Variants in MCOLN1 observed in about 807,000 individuals in gnomAD.
The protein encoded by MCOLN1 is mucolipin TRP cation channel 1.
In MCOLN1, 50 loss-of-function variants were observed where a neutral mutation model predicts 70.3. That is an observed-to-expected ratio of 0.71 (90% CI 0.57 to 0.90). The LOEUF (loss-of-function observed/expected upper bound fraction) is 0.90. Among genes scored for constraint, MCOLN1 ranks in the 40% least tolerant of loss-of-function variants. The pLI is 0.00. For synonymous variants in MCOLN1, 366 were observed against 341.0 expected (o/e 1.07, Z -0.81); for missense variants, 598 against 803.5 (o/e 0.74, Z 3.09).
Position 7,525,025 on chromosome 19 carries a change from T to C in MCOLN1, c.96T>C (p.Pro32=), listed in dbSNP as rs779878653. Residue 32 remains proline (P), a synonymous_variant, in exon 2 of 14, where the codon CCT becomes CCC. Coordinates refer to ENST00000264079, the MANE Select transcript of MCOLN1 (RefSeq NM_020533.3). The surrounding 1 kb of genome is among the most constrained non-coding windows in gnomAD (Gnocchi z 4.2). ...YGTQAGPSPA[P]PTPPEEEDLR... ...CCCAGGCGGGGCCTTCACCGGCCCCTCCGACACCCCCAGAAGAGGAAGACC... is the reference window on the plus strand; with the variant it reads ...CCCAGGCGGGGCCTTCACCGGCCCCCCCGACACCCCCAGAAGAGGAAGACC... 1 of 1,613,628 alleles carries C rather than the reference T, an allele frequency of 6.2e-7. No individual in the cohort carries two copies. The highest frequency in any genetic ancestry group is 1.1e-5 in the South Asian group (1 of 91,062).
intron 10 of MCOLN1, 67 bp downstream of exon 10, chr19:7,529,269 A>C: frequency 1.4e-6 from 2 of 1,413,412 alleles, no homozygotes; most frequent in Non-Finnish European, 9.9e-7. Context: ...AAATCCCTAC[A>C]CACGCAGCCC....
Position 7,533,514 on chromosome 19 carries a change from T to G in MCOLN1, c.1576-9T>G. On this transcript the variant is annotated splice_polypyrimidine_tract_variant and intron_variant, in intron 12 of 13. Coordinates refer to ENST00000264079, the MANE Select transcript of MCOLN1 (RefSeq NM_020533.3). ...CTTTCAGGCTGAGCCTCCCGGCTTC[T>G]CTCCCCAGCATCCCGGCGGCGCAGG... 6.2e-7 allele frequency: 1 copy of G among 1,610,558 alleles called. No homozygotes were observed. Among genetic ancestry groups the G allele is most frequent in the Non-Finnish European group, 8.5e-7 (1 of 1,179,578 alleles).
rs562566751 is a variant in MCOLN1 at position 7,527,092 on chromosome 19, T to G, written c.571+166T>G. 116 of 838,074 alleles carry G rather than the reference T, an allele frequency of 1.4e-4. 1 individual carries two copies. The South Asian group carries it at 1.6e-3, about 11-fold the overall frequency. 51.9% of individuals were successfully genotyped at this position (838,074 alleles called of 1,614,324 possible). A position where few individuals can be genotyped will look rare whatever the true frequency, so the allele number is the denominator to read the frequency against. ...AAGTTTGAGACCAGCCTGGGCCACG[T>G]AGGAAGACCTTGTCTCTACGCACAA... On this transcript the variant is annotated intron_variant, in intron 4 of 13. Coordinates refer to ENST00000264079, the MANE Select transcript of MCOLN1 (RefSeq NM_020533.3).
chr19:7,522,731 T>C lies in MCOLN1; in HGVS notation c.-20T>C. 1 of 1,452,262 alleles carries C rather than the reference T, an allele frequency of 6.9e-7. No homozygotes were observed. The highest frequency in any genetic ancestry group is 9.0e-7 in the Non-Finnish European group (1 of 1,106,732). 90.0% of individuals were successfully genotyped at this position (1,452,262 alleles called of 1,614,324 possible). A position where few individuals can be genotyped will look rare whatever the true frequency, so the allele number is the denominator to read the frequency against. The stretch of plus-strand genomic sequence containing the variant: ...GGCTGCCCCGCCGTACCCGCCTGCG[T>C]CCCGCGCTCCCGCCCCAGCATGACA... On this transcript the variant is annotated 5_prime_UTR_variant, in exon 1 of 14. Coordinates refer to ENST00000264079, the MANE Select transcript of MCOLN1 (RefSeq NM_020533.3).
intron 10 of MCOLN1, 88 bp from the exon 11 acceptor site, chr19:7,529,502 C>A: frequency 5.8e-6 from 3 of 518,870 alleles, no homozygotes; most frequent in South Asian, 1.5e-5. Context: ...CTCGGCAAGG[C>A]CCCGCCCCTC....
Position 7,522,645 on chromosome 19 carries a change from G to A in MCOLN1, c.-106G>A, listed in dbSNP as rs953823761. On this transcript the variant is annotated 5_prime_UTR_variant, in exon 1 of 14. Transcript: ENST00000264079. ...AGGCACAGATCAGCTGATGCCGGAG[G>A]GTTTGAAGCCGCGCCGCGAGGGAGC... 3.3e-6 allele frequency: 4 copies of A among 1,226,022 alleles called. No individual in the cohort carries two copies. The highest frequency in any genetic ancestry group is 2.8e-4 in the Middle Eastern group (1 of 3,634). The allele number at this position is 1,226,022 out of a possible 1,614,324, so 75.9% of individuals were successfully genotyped here.
chr19:7,533,555 G>A lies in MCOLN1; in HGVS notation c.1608G>A (p.Glu536=), dbSNP rs750094891. The change falls in exon 13 of 14, where the codon GAG becomes GAA. Residue 536 remains glutamate, a synonymous_variant. Coordinates refer to ENST00000264079, the MANE Select transcript of MCOLN1 (RefSeq NM_020533.3). ...HPGGAGAEES[E]LQAYIAQCQD... The stretch of plus-strand genomic sequence containing the variant: ...GCGGCGCAGGCGCAGAGGAGAGCGA[G>A]CTGCAGGCCTACATCGCACAGTGCC... 22 of 1,611,970 alleles carry A rather than the reference G, an allele frequency of 1.4e-5. No individual in the cohort carries two copies. In the South Asian group the frequency reaches 1.8e-4, roughly 13 times the overall value.
Position 7,533,761 on chromosome 19 carries a change from A to AC in MCOLN1, c.1713dup (p.Ser572LeufsTer36), listed in dbSNP as rs767423201. ...TCTTCCCTGCTTCCTTCCTCCAGGGACCCCTCGGAGGAGCATTCGCTGCTG... is the reference window on the plus strand; with the variant it reads ...TCTTCCCTGCTTCCTTCCTCCAGGGACCCCCTCGGAGGAGCATTCGCTGCTG... On this transcript the variant is annotated frameshift_variant, in exon 14 of 14. Coordinates refer to ENST00000264079, the MANE Select transcript of MCOLN1 (RefSeq NM_020533.3). LOFTEE classifies it high-confidence loss of function. 3 of 1,613,858 alleles carry AC rather than the reference A, an allele frequency of 1.9e-6. No individual in the cohort carries two copies. The highest frequency in any genetic ancestry group is 1.7e-5 in the Admixed American group (1 of 59,998).
At position 7,528,357 on chromosome 19, in the gene MCOLN1, C is replaced by T; in HGVS notation, c.877+100C>T. On this transcript the variant is annotated intron_variant, in intron 7 of 13. Coordinates refer to ENST00000264079, the MANE Select transcript of MCOLN1 (RefSeq NM_020533.3). The surrounding 1 kb of genome is among the most constrained non-coding windows in gnomAD (Gnocchi z 4.2). The stretch of plus-strand genomic sequence containing the variant: ...GCGCTGCCTGGGGGCCGTGACCTCC[C>T]CAGGAATCCGCTGAGCCTCAGATCA... The T allele has an allele frequency of 1.7e-6, 2 of 1,193,604 alleles. No individual in the cohort carries two copies. Among genetic ancestry groups the T allele is most frequent in the Admixed American group, 1.9e-5 (1 of 52,262 alleles). 73.9% of individuals were successfully genotyped at this position (1,193,604 alleles called of 1,614,324 possible). A position where few individuals can be genotyped will look rare whatever the true frequency, so the allele number is the denominator to read the frequency against.
chr19:7,528,346 C>A lies in MCOLN1; in HGVS notation c.877+89C>A. The A allele has an allele frequency of 8.0e-7, 1 of 1,256,042 alleles. No homozygotes were observed. Among genetic ancestry groups the A allele is most frequent in the Non-Finnish European group, 1.2e-6 (1 of 866,914 alleles). 77.8% of individuals were successfully genotyped at this position (1,256,042 alleles called of 1,614,324 possible). A position where few individuals can be genotyped will look rare whatever the true frequency, so the allele number is the denominator to read the frequency against. ...GCCCCAGATCAGCGCTGCCTGGGGG[C>A]CGTGACCTCCCCAGGAATCCGCTGA... On this transcript the variant is annotated intron_variant, in intron 7 of 13. Transcript: ENST00000264079. This position sits in a 1 kb window ranked among gnomAD's most constrained non-coding sequence, Gnocchi z 4.2.
At chr19:7,532,571 C>T (rs1389832167) in intron 12 of MCOLN1, among the ~76,000 whole-genome samples, 1 of 151,906 alleles carries the variant, frequency 6.6e-6, no homozygotes, top group Non-Finnish European at 1.5e-5. Flanking sequence ...AAAAAATTAG[C>T]GGACGTGGTG....
At position 7,533,661 on chromosome 19, in the gene MCOLN1, T is replaced by C; in HGVS notation, c.1706+8T>C. The C allele has an allele frequency of 6.2e-7, 1 of 1,613,662 alleles. No homozygotes were observed. The highest frequency in any genetic ancestry group is 8.5e-7 in the Non-Finnish European group (1 of 1,179,940). ...TCTCTGCTGCTGCGGAAGGTTCGAG[T>C]CCCGGGTCTGGCACATTCAGATTGG... On this transcript the variant is annotated splice_region_variant and intron_variant, in intron 13 of 13. Transcript: ENST00000264079.
rs2022552219 is a variant in MCOLN1, at chr19:7,525,207, G to C, written c.237+41G>C. 6.4e-7 allele frequency: 1 copy of C among 1,566,032 alleles called. No individual in the cohort carries two copies. Among genetic ancestry groups the C allele is most frequent in the Non-Finnish European group, 8.8e-7 (1 of 1,137,866 alleles). On this transcript the variant is annotated intron_variant, in intron 2 of 13. Coordinates refer to ENST00000264079, the MANE Select transcript of MCOLN1 (RefSeq NM_020533.3). The surrounding 1 kb of genome is among the most constrained non-coding windows in gnomAD (Gnocchi z 4.2). ...CAGGGGCCCCAGCTGAAGGCCACCT[G>C]TGGCTGCTGTGCTCCTTGAAGAGAG...
In MCOLN1 at chr19:7,526,120, A is replaced by G; in HGVS notation, c.238-319A>G. 2.3e-6 allele frequency: 1 copy of G among 432,724 alleles called. No individual in the cohort carries two copies. Among genetic ancestry groups the G allele is most frequent in the Non-Finnish European group, 4.3e-6 (1 of 231,012 alleles). 26.8% of individuals were successfully genotyped at this position (432,724 alleles called of 1,614,324 possible). On this transcript the variant is annotated intron_variant, in intron 2 of 13. Transcript: ENST00000264079. This position sits in a 1 kb window ranked among gnomAD's most constrained non-coding sequence, Gnocchi z 4.6. Reference sequence around the variant, plus strand: ...CTTACCCTGAAAGTTTGGGTTTAACACAGAATCGGACATCCAGTAAACATT... The same window carrying G: ...CTTACCCTGAAAGTTTGGGTTTAACGCAGAATCGGACATCCAGTAAACATT...
chr19:7,527,047 G>A, intron 4 of MCOLN1, 121 bp downstream of exon 4: 2 of 1,339,684 alleles, frequency 1.5e-6, no homozygotes, highest in Non-Finnish European at 2.1e-6. Context: ...GGCTGAGGAG[G>A]AAGGATTGCT....
rs1390147809 is a variant in MCOLN1 at position 7,522,674 on chromosome 19, G to A, written c.-77G>A. On this transcript the variant is annotated 5_prime_UTR_variant, in exon 1 of 14. Coordinates refer to ENST00000264079, the MANE Select transcript of MCOLN1 (RefSeq NM_020533.3). Reference sequence around the variant, plus strand: ...TGAAGCCGCGCCGCGAGGGAGCGAGGTCGCAGTGACAGCGGCGGGCGATCG... The same window carrying A: ...TGAAGCCGCGCCGCGAGGGAGCGAGATCGCAGTGACAGCGGCGGGCGATCG... The A allele has an allele frequency of 2.9e-6, 4 of 1,387,702 alleles. No individual in the cohort carries two copies. The highest frequency in any genetic ancestry group is 3.0e-5 in the East Asian group (1 of 33,504). The allele number at this position is 1,387,702 out of a possible 1,614,324, so 86.0% of individuals were successfully genotyped here. A position where few individuals can be genotyped will look rare whatever the true frequency, so the allele number is the denominator to read the frequency against.
intron 11 of MCOLN1, 28 bp from the exon 12 acceptor site, chr19:7,530,258 C>T (rs1194394625): frequency 2.5e-6 from 4 of 1,597,970 alleles, no homozygotes; most frequent in South Asian, 1.1e-5. Context: ...TGCCTTGGCT[C>T]CCTCTGACCC....
In MCOLN1 at chr19:7,526,563, C is replaced by T. The variant is rs750170007; in HGVS notation, c.362C>T (p.Thr121Met). 13 of 1,613,846 alleles carry T rather than the reference C, an allele frequency of 8.1e-6. No homozygotes were observed. Among genetic ancestry groups the T allele is most frequent in the African/African-American group, 2.7e-5 (2 of 74,932 alleles). Residue 121 changes from threonine (T) to methionine (M), a missense_variant, in exon 3 of 14, where the codon ACG becomes ATG. By Grantham distance (81) the Thr-to-Met change is moderately conservative (BLOSUM62 -1). Transcript: ENST00000264079. This position sits in a 1 kb window ranked among gnomAD's most constrained non-coding sequence, Gnocchi z 4.6. ...GCGGATGACACCTTCGCAGCCTACA[C>T]GCGGGAGCAGCTGTACCAGGCCATC... Reference protein sequence around the residue: ...DGADDTFAAYTREQLYQAIFH... With the variant: ...DGADDTFAAYMREQLYQAIFH...
rs1051281379 is a variant in MCOLN1, at chr19:7,524,500, C to T, written c.32-461C>T. On this transcript the variant is annotated intron_variant, in intron 1 of 13. Coordinates refer to ENST00000264079, the MANE Select transcript of MCOLN1 (RefSeq NM_020533.3). This position sits in a 1 kb window ranked among gnomAD's most constrained non-coding sequence, Gnocchi z 4.1. Reference sequence around the variant, plus strand: ...TCTGGAAGCTGGAGTTGGGATAAGCCCAGCAGGCTTGAACGCCCAGTGAAA... The same window carrying T: ...TCTGGAAGCTGGAGTTGGGATAAGCTCAGCAGGCTTGAACGCCCAGTGAAA... 1.3e-5 allele frequency among the ~76,000 whole-genome samples: 2 copies of T among 152,086 alleles called. No individual in the cohort carries two copies. Among genetic ancestry groups the T allele is most frequent in the Non-Finnish European group, 1.5e-5 (1 of 68,016 alleles).
Sources: gnomAD v4.1 joint callset for allele counts (sites outside exome capture counted in the v4.1 genomes callset) on GRCh38, gnomAD v4.1.1 for gene constraint, Gnocchi (gnomAD v3.1) non-coding constraint, MANE v1.5 for transcripts, NCBI Gene and HGNC (gene_info 2026-07-23, HGNC 2026-07-21) for gene names.